Variants in PRKN observed in about 807,000 individuals in gnomAD.
PRKN encodes E3 ubiquitin-protein ligase parkin.
PRKN carries 56 observed loss-of-function variants against 59.5 expected under a neutral mutation model. The observed-to-expected ratio is 0.94, with a 90% CI of 0.76 to 1.18. The LOEUF is 1.18. PRKN is among the 50% of genes most tolerant of loss of function. The pLI, the probability that PRKN is intolerant of heterozygous loss-of-function variation, is 0.00. For missense variants in PRKN, 657 were observed against 596.4 expected, an observed-to-expected ratio of 1.10 and a Z score of -1.06; for synonymous variants, 250 against 222.1, an observed-to-expected ratio of 1.13 and a Z score of -1.12.
intron 1 of PRKN, among the ~76,000 whole-genome samples, chr6:162,686,932 T>C (rs974578834): frequency 6.6e-6 from 1 of 152,200 alleles, no homozygotes; most frequent in African/African-American, 2.4e-5. Context: ...TACAGTATAG[T>C]TCGAAGTCAG....
chr6:161,478,628 T>C (rs967222570), intron 9 of PRKN, among the ~76,000 whole-genome samples: 2 of 152,198 alleles, frequency 1.3e-5, no homozygotes, highest in Admixed American at 1.3e-4. Flanking sequence ...GTGGATCATG[T>C]GAGTCCAGGG....
At chr6:162,472,782 C>T (rs144991618) in intron 1 of PRKN, among the ~76,000 whole-genome samples, 2,894 of 92,344 alleles carry the variant, frequency 0.031, 591 homozygotes, top group Middle Eastern at 0.088. Context: ...TGAGCCACCG[C>T]GCCCGGCCCC....
chr6:162,482,760 A>G (rs542163715), intron 1 of PRKN, among the ~76,000 whole-genome samples: 18 of 152,242 alleles, frequency 1.2e-4, no homozygotes, highest in Non-Finnish European at 2.5e-4. Flanking sequence ...CTAAAATGAG[A>G]TGCATAGGCT....
At chr6:161,828,386 T>G (rs1792334060) in intron 6 of PRKN, among the ~76,000 whole-genome samples, 1 of 152,228 alleles carries the variant, frequency 6.6e-6, no homozygotes, top group South Asian at 2.1e-4. Flanking sequence ...CCAAGAGTAT[T>G]ACAAATACGA....
At chr6:162,492,860 G>A (rs539010088) in intron 1 of PRKN, among the ~76,000 whole-genome samples, 1 of 151,402 alleles carries the variant, frequency 6.6e-6, no homozygotes, top group South Asian at 2.1e-4. Context: ...GGCTAAGGCA[G>A]GAGAATTGCT....
rs914397319 is a variant in PRKN at position 161,593,033 on chromosome 6, G to A, written c.872-23617C>T. Among the ~76,000 whole-genome samples, 4 of 152,172 alleles carry A rather than the reference G, an allele frequency of 2.6e-5. No homozygotes were observed. Among genetic ancestry groups the A allele is most frequent in the Middle Eastern group, 3.2e-3 (1 of 316 alleles). ...GTGAGATTTACAGAAGAGTTGTAAC[G>A]ACTGCACAGAGCGTCCTCAGATGCG... On this transcript the variant is annotated intron_variant, in intron 7 of 11. Coordinates refer to ENST00000366898, the MANE Select transcript of PRKN (RefSeq NM_004562.3). This position sits in a 1 kb window ranked among gnomAD's most constrained non-coding sequence, Gnocchi z 4.8.
chr6:161,591,285 A>G (rs1781716074), intron 7 of PRKN, among the ~76,000 whole-genome samples: 2 of 152,194 alleles, frequency 1.3e-5, no homozygotes, highest in African/African-American at 4.8e-5. Flanking sequence ...CGTCAAAATT[A>G]GAAAGTTCAA....
intron 9 of PRKN, among the ~76,000 whole-genome samples, chr6:161,412,744 T>C (rs918070221): frequency 6.7e-6 from 1 of 148,396 alleles, no homozygotes; most frequent in African/African-American, 2.6e-5. Flanking sequence ...ATTCCTTCAC[T>C]CACTCATTCC....
intron 4 of PRKN, among the ~76,000 whole-genome samples, chr6:162,187,190 G>T (rs1363821196): frequency 2.6e-5 from 4 of 152,128 alleles, no homozygotes; most frequent in African/African-American, 9.7e-5. Flanking sequence ...GAGAAAATCG[G>T]GGTGGATAAC....
At chr6:162,621,830 T>C (rs1782678915) in intron 1 of PRKN, among the ~76,000 whole-genome samples, 2 of 152,206 alleles carry the variant, frequency 1.3e-5, no homozygotes, top group Non-Finnish European at 2.9e-5. Context: ...ATTTTTTATT[T>C]ACTGAGACAG....
chr6:162,682,980 TTCAG>T (rs1681416520), intron 1 of PRKN, among the ~76,000 whole-genome samples: 1 of 152,148 alleles, frequency 6.6e-6, no homozygotes, highest in African/African-American at 2.4e-5. Flanking sequence ...TGTGAGAATA[TTCAG>T]TATCACTAAA....
chr6:161,381,218 C>A (rs549607680), intron 10 of PRKN, among the ~76,000 whole-genome samples: 1 of 152,262 alleles, frequency 6.6e-6, no homozygotes, highest in Admixed American at 6.5e-5. Flanking sequence ...AACAACAGCC[C>A]ACTCATCCCC....
At chr6:162,591,011 G>T (rs963514526) in intron 1 of PRKN, among the ~76,000 whole-genome samples, 2 of 151,990 alleles carry the variant, frequency 1.3e-5, no homozygotes, top group Non-Finnish European at 2.9e-5. Flanking sequence ...ACTGTCTCAT[G>T]GGGGGCCCTC....
rs1295358572 is a variant in PRKN, at chr6:161,429,003, G to A, written c.1084-42126C>T. On this transcript the variant is annotated intron_variant, in intron 9 of 11. Coordinates refer to ENST00000366898, the MANE Select transcript of PRKN (RefSeq NM_004562.3). This position sits in a 1 kb window ranked among gnomAD's most constrained non-coding sequence, Gnocchi z 4.2. ...CAGCTCAGGTCAGCTGGTTCAAGAA[G>A]GGGGAAAGTTTTGCTCATGTCCAAG... Among the ~76,000 whole-genome samples, 4 of 152,148 alleles carry A rather than the reference G, an allele frequency of 2.6e-5. No individual in the cohort carries two copies. The highest frequency in any genetic ancestry group is 6.5e-5 in the Admixed American group (1 of 15,272).
intron 2 of PRKN, among the ~76,000 whole-genome samples, chr6:162,288,949 G>A (rs753554851): frequency 4.9e-4 from 74 of 152,098 alleles, no homozygotes; most frequent in Non-Finnish European, 5.1e-4. Flanking sequence ...TCACTTTAAG[G>A]CCATGTGAGA....
intron 2 of PRKN, among the ~76,000 whole-genome samples, chr6:162,339,246 GGGTCAGCCCCCCGCCC>G (rs1784020545): frequency 6.8e-6 from 1 of 147,442 alleles, no homozygotes; most frequent in Non-Finnish European, 1.5e-5. Context: ...GAGGTGGTGG[GGGTCAGCCCCCCGCCC>G]GGCCAGCCGC....
chr6:161,819,921 A>G (rs977596836), intron 6 of PRKN, among the ~76,000 whole-genome samples: 1 of 152,226 alleles, frequency 6.6e-6, no homozygotes, highest in African/African-American at 2.4e-5. Flanking sequence ...AATATCCAAA[A>G]CAGCATAAAA....
chr6:162,631,397 G>T (rs1783102157), intron 1 of PRKN, among the ~76,000 whole-genome samples: 1 of 152,086 alleles, frequency 6.6e-6, no homozygotes, highest in Admixed American at 6.6e-5. Context: ...TCTGCGTTCT[G>T]CCTGGAATTC....
intron 4 of PRKN, among the ~76,000 whole-genome samples, chr6:162,079,564 T>C (rs1218335292): frequency 6.6e-6 from 1 of 152,016 alleles, no homozygotes; most frequent in Non-Finnish European, 1.5e-5. Flanking sequence ...ACCCTGCCCA[T>C]CCCCTGTTTA....
Sources: gnomAD v4.1 joint callset for allele counts (sites outside exome capture counted in the v4.1 genomes callset) on GRCh38, gnomAD v4.1.1 for gene constraint, Gnocchi (gnomAD v3.1) non-coding constraint, MANE v1.5 for transcripts, NCBI Gene and HGNC (gene_info 2026-07-23, HGNC 2026-07-21) for gene names.